Variants in SFMBT1 observed in about 807,000 individuals in gnomAD.
SFMBT1 encodes scm-like with four MBT domains protein 1.
A neutral mutation model predicts 108.7 loss-of-function variants in SFMBT1; 32 were observed. The ratio of observed to expected loss-of-function variants is 0.29; its 90% CI spans 0.22 to 0.40. The LOEUF (loss-of-function observed/expected upper bound fraction) is 0.40. Among genes scored for constraint, SFMBT1 ranks in the 10% least tolerant of loss-of-function variants. The probability of loss-of-function intolerance (pLI) is 1.00; values close to 1 mark genes in which losing one functional copy is unlikely to be tolerated. For missense variants in SFMBT1, 816 were observed against 1,059.6 expected (o/e 0.77, Z 3.19); for synonymous variants, 348 against 369.5 (o/e 0.94, Z 0.67).
At chr3:52,913,437 G>T in intron 15 of SFMBT1, 41 bp downstream of exon 15, 1 of 1,598,516 alleles carries the variant, frequency 6.3e-7, no homozygotes, top group Non-Finnish European at 8.5e-7. Flanking sequence ...GGAGAATGCT[G>T]TGAAATTTCC....
At chr3:52,948,669 A>G (rs1703461471) in intron 3 of SFMBT1, among the ~76,000 whole-genome samples, 1 of 150,086 alleles carries the variant, frequency 6.7e-6, no homozygotes, top group Admixed American at 6.7e-5. Context: ...TTATTTTTGG[A>G]GACCGAGTCT....
Position 52,949,568 on chromosome 3 carries a change from CTTTTTTTTTTTTTT to C in SFMBT1, c.123+4735_123+4748del, listed in dbSNP as rs59842273. Reference sequence around the variant, plus strand: ...CCCTTTATTATTATGTAATGTCCTTCTTTTTTTTTTTTTTTTTTTTTTTTTTTGAGACCGAGTTT... The same window carrying C: ...CCCTTTATTATTATGTAATGTCCTTCTTTTTTTTTTTTTGAGACCGAGTTT... On this transcript the variant is annotated intron_variant, in intron 3 of 20. Transcript: ENST00000394752. Among the ~76,000 whole-genome samples, 47 of 77,412 alleles carry C rather than the reference CTTTTTTTTTTTTTT, an allele frequency of 6.1e-4. 1 individual carries two copies. Among genetic ancestry groups the C allele is most frequent in the South Asian group, 1.0e-3 (2 of 2,004 alleles). 50.8% of individuals were successfully genotyped at this position (77,412 alleles called of 152,430 possible).
intron 2 of SFMBT1, among the ~76,000 whole-genome samples, chr3:52,959,344 C>T (rs1218748186): frequency 6.6e-6 from 1 of 152,164 alleles, no homozygotes; most frequent in Admixed American, 6.5e-5. Context: ...TATCTCTAGT[C>T]CAAGGTCTAA....
intron 13 of SFMBT1, among the ~76,000 whole-genome samples, chr3:52,917,412 A>C (rs913118870): frequency 2.4e-4 from 36 of 152,070 alleles, no homozygotes; most frequent in Admixed American, 5.9e-4. Flanking sequence ...CCGGGGAGAG[A>C]AAGATTTTTC....
intron 1 of SFMBT1, among the ~76,000 whole-genome samples, chr3:53,024,894 A>G (rs1028235883): frequency 6.6e-6 from 1 of 152,218 alleles, no homozygotes; most frequent in Non-Finnish European, 1.5e-5. Context: ...ATTTAACCAA[A>G]TATAAGAATA....
At chr3:53,044,768 A>C (rs1481378452) in intron 1 of SFMBT1, among the ~76,000 whole-genome samples, 1 of 152,156 alleles carries the variant, frequency 6.6e-6, no homozygotes, top group Non-Finnish European at 1.5e-5. Flanking sequence ...GGACTCAAAA[A>C]CACCACTTGG....
chr3:53,037,433 T>C (rs369544742), intron 1 of SFMBT1, among the ~76,000 whole-genome samples: 9 of 152,248 alleles, frequency 5.9e-5, no homozygotes, highest in African/African-American at 2.2e-4. Context: ...TTGCATATGG[T>C]GTTATTCATA....
intron 1 of SFMBT1, among the ~76,000 whole-genome samples, chr3:53,020,642 C>A (rs886112361): frequency 5.3e-5 from 8 of 152,090 alleles, no homozygotes; most frequent in African/African-American, 1.7e-4. Context: ...GAATGAATGG[C>A]AGAAAAACAA....
intron 1 of SFMBT1, among the ~76,000 whole-genome samples, chr3:53,013,615 C>CTTTTTTTTTTTTTTTTTT: frequency 1.7e-5 from 1 of 58,098 alleles, no homozygotes; most frequent in Non-Finnish European, 2.8e-5. Context: ...TATAAAGAAT[C>CTTTTTTTTTTTTTTTTTT]TTTTTTTTTT....
intron 4 of SFMBT1, among the ~76,000 whole-genome samples, chr3:52,937,032 G>A (rs1486397668): frequency 1.3e-5 from 2 of 151,482 alleles, no homozygotes; most frequent in African/African-American, 2.4e-5. Context: ...TAGCAGAGAC[G>A]GGGTTTCACC....
rs201533803 is a variant in SFMBT1, at chr3:53,004,259, TC to T, written c.-130-35002del. 1.7e-4 allele frequency among the ~76,000 whole-genome samples: 22 copies of T among 132,038 alleles called. 2 individuals carry two copies. Among genetic ancestry groups the T allele is most frequent in the East Asian group, 7.3e-4 (3 of 4,120 alleles). 86.6% of individuals were successfully genotyped at this position (132,038 alleles called of 152,430 possible). A position where few individuals can be genotyped will look rare whatever the true frequency, so the allele number is the denominator to read the frequency against. On this transcript the variant is annotated intron_variant, in intron 1 of 20. Transcript: ENST00000394752. Reference sequence around the variant, plus strand: ...CTCCTTCCCTTCTTTCTTCTTTCTCTCTCTCTCTCTCTCTCTCCTCCTCTCT... The same window carrying T: ...CTCCTTCCCTTCTTTCTTCTTTCTCTTCTCTCTCTCTCTCTCCTCCTCTCT...
intron 3 of SFMBT1, among the ~76,000 whole-genome samples, chr3:52,948,014 C>T (rs1703431723): frequency 6.6e-6 from 1 of 152,296 alleles, no homozygotes; most frequent in Non-Finnish European, 1.5e-5. Flanking sequence ...GGATTATAGG[C>T]GTGAGACACC....
chr3:53,042,903 C>T (rs1246420325), intron 1 of SFMBT1, among the ~76,000 whole-genome samples: 1 of 152,228 alleles, frequency 6.6e-6, no homozygotes, highest in Non-Finnish European at 1.5e-5. Flanking sequence ...GGTGGAGTGA[C>T]CAAATCCAGC....
At chr3:53,022,583 A>T (rs75782874) in intron 1 of SFMBT1, among the ~76,000 whole-genome samples, 1 of 152,312 alleles carries the variant, frequency 6.6e-6, no homozygotes, top group Non-Finnish European at 1.5e-5. Context: ...AGTCTTTAAA[A>T]TGAAGGCGAT....
chr3:52,918,630 TGTGA>T (rs1420360353), intron 12 of SFMBT1, 104 bp from the exon 13 acceptor site: 8 of 573,922 alleles, frequency 1.4e-5, no homozygotes, highest in African/African-American at 3.9e-5. Context: ...CCTGGTTCTG[TGTGA>T]GTGTGTGTGT....
chr3:52,996,841 G>A (rs1698350952), intron 1 of SFMBT1, among the ~76,000 whole-genome samples: 8 of 150,098 alleles, frequency 5.3e-5, no homozygotes, highest in Admixed American at 4.7e-4. Flanking sequence ...AGGCAGAGAT[G>A]GGCAGATCAT....
chr3:53,038,909 A>G (rs906897406), intron 1 of SFMBT1, among the ~76,000 whole-genome samples: 1 of 152,190 alleles, frequency 6.6e-6, no homozygotes, highest in Non-Finnish European at 1.5e-5. Flanking sequence ...CTGAACACAC[A>G]TATTTTTTTG....
At position 52,904,356 on chromosome 3, in the gene SFMBT1, T is replaced by G. The variant is rs1702015771; in HGVS notation, c.*780A>C. ...AAGATGGAGAACAGTAACAGTAGAG[T>G]TCTCAGATCAGGTCAGTTAAGGAAC... On this transcript the variant is annotated 3_prime_UTR_variant, in exon 21 of 21. Transcript: ENST00000394752. 2 of 151,896 alleles carry G rather than the reference T, an allele frequency of 1.3e-5. No homozygotes were observed. The highest frequency in any genetic ancestry group is 2.9e-5 in the Non-Finnish European group (2 of 67,972). 9.4% of individuals were successfully genotyped at this position (151,896 alleles called of 1,614,324 possible).
chr3:53,031,580 T>TA (rs1699687456), intron 1 of SFMBT1, among the ~76,000 whole-genome samples: 1 of 135,056 alleles, frequency 7.4e-6, no homozygotes, highest in Admixed American at 8.1e-5. Flanking sequence ...CATTCAGAAC[T>TA]AAAACTATAA....
Sources: gnomAD v4.1 joint callset for allele counts (sites outside exome capture counted in the v4.1 genomes callset) on GRCh38, gnomAD v4.1.1 for gene constraint, MANE v1.5 for transcripts, NCBI Gene and HGNC (gene_info 2026-07-23, HGNC 2026-07-21) for gene names.